Variants in COL21A1 observed in about 807,000 individuals in gnomAD.
COL21A1 encodes the protein collagen alpha-1(XXI) chain.
Under a neutral mutation model 137.9 loss-of-function variants are expected in COL21A1, and 149 were observed. The observed-to-expected ratio is 1.08, with a 90% CI of 0.95 to 1.24. The LOEUF (loss-of-function observed/expected upper bound fraction) is 1.24, where lower values mean the gene tolerates loss of function less well. Ranked by LOEUF, COL21A1 falls within the 50% of genes most tolerant of loss-of-function variation. COL21A1 has a pLI of 0.00. For missense variants in COL21A1, 1,167 were observed against 1,158.4 expected, an observed-to-expected ratio of 1.01 and a Z score of -0.11; for synonymous variants, 456 against 391.5, an observed-to-expected ratio of 1.16 and a Z score of -1.95.
At chr6:56,305,650 C>T (rs887541266) in intron 1 of COL21A1, among the ~76,000 whole-genome samples, 1 of 152,148 alleles carries the variant, frequency 6.6e-6, no homozygotes, top group Non-Finnish European at 1.5e-5. Flanking sequence ...GATGGGTTTC[C>T]TAAATACAAC....
At chr6:56,211,560 T>A (rs922458539) in intron 1 of COL21A1, among the ~76,000 whole-genome samples, 3 of 152,058 alleles carry the variant, frequency 2.0e-5, no homozygotes, top group African/African-American at 7.2e-5. Context: ...TTGAATTATT[T>A]ACCTCAATTC....
At chr6:56,200,809 G>A (rs1779344041) in intron 1 of COL21A1, among the ~76,000 whole-genome samples, 1 of 152,032 alleles carries the variant, frequency 6.6e-6, no homozygotes, top group African/African-American at 2.4e-5. Context: ...AATCCTTTGG[G>A]TATATACCCA....
At chr6:56,260,872 G>GTGTC (rs1436214175) in intron 1 of COL21A1, among the ~76,000 whole-genome samples, 3 of 141,066 alleles carry the variant, frequency 2.1e-5, no homozygotes, top group African/African-American at 7.5e-5. Context: ...GTGTGTGTGT[G>GTGTC]TGTGTATGTG....
intron 16 of COL21A1, among the ~76,000 whole-genome samples, chr6:56,117,085 A>G (rs1772001742): frequency 6.6e-6 from 1 of 152,084 alleles, no homozygotes; most frequent in Admixed American, 6.5e-5. Flanking sequence ...TAACAGGAGT[A>G]GGTCCTTACT....
intron 28 of COL21A1, 147 bp from the exon 29 acceptor site, chr6:56,059,389 GT>G (rs1466930961): frequency 1.9e-6 from 1 of 519,434 alleles, no homozygotes; most frequent in East Asian, 3.4e-5. Context: ...TGGAAAACAA[GT>G]TTTGAAGCAA....
At chr6:56,237,516 G>T (rs913932224) in intron 1 of COL21A1, among the ~76,000 whole-genome samples, 23 of 152,044 alleles carry the variant, frequency 1.5e-4, no homozygotes, top group African/African-American at 5.6e-4. Flanking sequence ...CTCTAATCTC[G>T]CTTAGGCTCT....
intron 1 of COL21A1, among the ~76,000 whole-genome samples, chr6:56,200,619 C>A (rs1779323450): frequency 6.6e-6 from 1 of 151,892 alleles, no homozygotes; most frequent in Non-Finnish European, 1.5e-5. Context: ...CATGTCCCTA[C>A]AAAGGACATG....
At chr6:56,147,117 T>A (rs1030564584) in intron 10 of COL21A1, among the ~76,000 whole-genome samples, 2 of 152,174 alleles carry the variant, frequency 1.3e-5, no homozygotes, top group Admixed American at 6.5e-5. Flanking sequence ...AAGGAGAATG[T>A]ACAACTTTCT....
At chr6:56,308,023 G>A (rs1016457127) in intron 1 of COL21A1, among the ~76,000 whole-genome samples, 1 of 152,162 alleles carries the variant, frequency 6.6e-6, no homozygotes, top group Non-Finnish European at 1.5e-5. Context: ...AGGAAATTCT[G>A]CAATATGCAA....
intron 17 of COL21A1, among the ~76,000 whole-genome samples, chr6:56,088,182 G>A (rs1768438851): frequency 6.6e-6 from 1 of 152,032 alleles, no homozygotes; most frequent in Non-Finnish European, 1.5e-5. Context: ...TGGCCAACAT[G>A]GTGAAACCCC....
At chr6:56,153,799 C>T (rs1179733453) in intron 10 of COL21A1, among the ~76,000 whole-genome samples, 1 of 152,180 alleles carries the variant, frequency 6.6e-6, no homozygotes, top group Non-Finnish European at 1.5e-5. Context: ...ATAAGTCCTT[C>T]CCAAATTCCT....
chr6:56,308,831 TGGACAGGGTAAATATAAA>T (rs1341698517), intron 1 of COL21A1, among the ~76,000 whole-genome samples: 1 of 152,178 alleles, frequency 6.6e-6, no homozygotes, highest in Non-Finnish European at 1.5e-5. Context: ...GATACTCAGT[TGGACAGGGTAAATATAAA>T]ACATTTCCAC....
chr6:56,270,851 T>C (rs1473406285), intron 1 of COL21A1, among the ~76,000 whole-genome samples: 3 of 152,196 alleles, frequency 2.0e-5, no homozygotes, highest in Non-Finnish European at 4.4e-5. Flanking sequence ...CCCTTCACCT[T>C]CTGCCACAAT....
At position 56,126,068 on chromosome 6, in the gene COL21A1, A is replaced by G. The variant is rs140964679; in HGVS notation, c.1596+28T>C. The G allele has an allele frequency of 1.2e-3, 1,688 of 1,451,502 alleles. 19 individuals are homozygous for G. The African/African-American group carries it at 0.021, about 18-fold the overall frequency. The allele number at this position is 1,451,502 out of a possible 1,614,324, so 89.9% of individuals were successfully genotyped here. On this transcript the variant is annotated intron_variant, in intron 13 of 29. Coordinates refer to ENST00000244728, the MANE Select transcript of COL21A1 (RefSeq NM_030820.4). ...ATTTGAATTAAAAAATGGCTTTGCT[A>G]TATTTAAAAGAAACAGATTTCTTCA...
rs112846193 is a variant in COL21A1, at chr6:56,060,797, T to G, written c.2353-2A>C. The G allele has an allele frequency of 6.2e-7, 1 of 1,608,658 alleles. No individual in the cohort carries two copies. Among genetic ancestry groups the G allele is most frequent in the Non-Finnish European group, 8.5e-7 (1 of 1,178,458 alleles). Reference sequence around the variant, plus strand: ...AAATTGTTCTGAAAACTCTCTTCCCTGCATCAAAGTGTTAGGGGTTATAAC... The same window carrying G: ...AAATTGTTCTGAAAACTCTCTTCCCGGCATCAAAGTGTTAGGGGTTATAAC... On this transcript the variant is annotated splice_acceptor_variant, in intron 26 of 29. Transcript: ENST00000244728. LOFTEE classifies it high-confidence loss of function.
At chr6:56,337,676 C>T (rs1178644051) in intron 1 of COL21A1, among the ~76,000 whole-genome samples, 1 of 152,184 alleles carries the variant, frequency 6.6e-6, no homozygotes, top group African/African-American at 2.4e-5. Context: ...TGGGATAATG[C>T]ATGTGTAACT....
chr6:56,379,566 C>T (rs2094005372), intron 1 of COL21A1, among the ~76,000 whole-genome samples: 1 of 152,132 alleles, frequency 6.6e-6, no homozygotes, highest in South Asian at 2.1e-4. Flanking sequence ...ACTGCATACT[C>T]TCTTCTACCT....
intron 1 of COL21A1, among the ~76,000 whole-genome samples, chr6:56,277,615 T>C (rs1425305562): frequency 6.6e-6 from 1 of 152,236 alleles, no homozygotes; most frequent in East Asian, 1.9e-4. Flanking sequence ...AATATACCAA[T>C]TCTTGTAGAT....
At chr6:56,296,561 G>A (rs1282673797) in intron 1 of COL21A1, among the ~76,000 whole-genome samples, 1 of 151,766 alleles carries the variant, frequency 6.6e-6, no homozygotes, top group African/African-American at 2.4e-5. Context: ...ACATCCAAAG[G>A]CAATTTCGTA....
Sources: allele counts gnomAD v4.1 joint callset (sites outside exome capture counted in the v4.1 genomes callset), GRCh38; gene constraint gnomAD v4.1.1; transcripts MANE v1.5; gene names NCBI Gene and HGNC (gene_info 2026-07-23, HGNC 2026-07-21).